SLC2A9: variants seen among roughly 807,000 people sequenced by gnomAD.
SLC2A9 encodes solute carrier family 2 member 9.
Under a neutral mutation model 50.6 loss-of-function variants are expected in SLC2A9, and 39 were observed. The ratio of observed to expected loss-of-function variants is 0.77; its 90% confidence interval spans 0.60 to 1.01. The LOEUF (loss-of-function observed/expected upper bound fraction) is 1.01. Among genes scored for constraint, SLC2A9 ranks in the 50% least tolerant of loss-of-function variants. SLC2A9 has a pLI of 0.00. For missense variants in SLC2A9, 686 were observed against 677.6 expected, an observed-to-expected ratio of 1.01 and a Z score of -0.14; for synonymous variants, 324 against 276.9, an observed-to-expected ratio of 1.17 and a Z score of -1.69.
intron 3 of SLC2A9, among the ~76,000 whole-genome samples, chr4:9,994,905 G>C (rs1758367290): frequency 6.6e-6 from 1 of 152,122 alleles, no homozygotes; most frequent in African/African-American, 2.4e-5. Flanking sequence ...GAGGACCATG[G>C]GCAGGGTCTG....
At chr4:10,020,729 G>T (rs974109268) in intron 1 of SLC2A9, among the ~76,000 whole-genome samples, 1 of 152,150 alleles carries the variant, frequency 6.6e-6, no homozygotes, top group Non-Finnish European at 1.5e-5. Context: ...TCCCAGCCCC[G>T]ATGACCTTAG....
At chr4:9,816,382 A>T (rs1289228306) in intron 3 of SLC2A9, among the ~76,000 whole-genome samples, 2 of 152,038 alleles carry the variant, frequency 1.3e-5, no homozygotes, top group Non-Finnish European at 2.9e-5. Context: ...GAGATGAGGG[A>T]AGGGGAGAAA....
intron 10 of SLC2A9, among the ~76,000 whole-genome samples, chr4:9,835,334 T>C (rs1455056403): frequency 6.6e-6 from 1 of 152,144 alleles, no homozygotes; most frequent in African/African-American, 2.4e-5. Flanking sequence ...CTTTCCTCCA[T>C]ATCCTGTACA....
rs373430971 is a variant in SLC2A9 at position 10,002,803 on chromosome 4, A to G, written c.250-5862T>C. 1.2e-4 allele frequency among the ~76,000 whole-genome samples: 19 copies of G among 152,324 alleles called. No individual in the cohort carries two copies. In the East Asian group the frequency reaches 3.3e-3, roughly 26 times the overall value. ...TGGAGGCAGAGGTTGCAGGGAGCCA[A>G]GATTGCGCCACTGCACTCCAGCCTG... On this transcript the variant is annotated intron_variant, in intron 2 of 11. Coordinates refer to ENST00000264784, the MANE Select transcript of SLC2A9 (RefSeq NM_020041.3).
downstream of SLC2A9, among the ~76,000 whole-genome samples, chr4:9,796,695 C>T (rs1304549877): frequency 1.3e-5 from 2 of 152,190 alleles, no homozygotes; most frequent in Non-Finnish European, 2.9e-5. Context: ...CAGGGCTCTT[C>T]TGGGCTTGGC....
intron 3 of SLC2A9, among the ~76,000 whole-genome samples, chr4:9,818,038 C>T (rs145945471): frequency 6.6e-6 from 1 of 152,148 alleles, no homozygotes; most frequent in East Asian, 1.9e-4. Context: ...AACTGTAAGA[C>T]AAATTGGGGT....
At chr4:9,816,550 A>G (rs1019616432) in intron 3 of SLC2A9, among the ~76,000 whole-genome samples, 2 of 152,222 alleles carry the variant, frequency 1.3e-5, no homozygotes, top group African/African-American at 4.8e-5. Context: ...ACATAAAAAG[A>G]AAGGAAAATG....
In SLC2A9 at chr4:9,900,107, C is replaced by T. The variant is rs116115337; in HGVS notation, c.1113+8128G>A. Among the ~76,000 whole-genome samples, 735 of 152,272 alleles carry T rather than the reference C, an allele frequency of 4.8e-3. 3 individuals are homozygous for T. The highest frequency in any genetic ancestry group is 0.017 in the Middle Eastern group (5 of 294). ...GAGCAGAGAAAGAGACACTGGATGT[C>T]CAGATGACTTAGGAGTCAGGGCTTC... On this transcript the variant is annotated intron_variant, in intron 8 of 11. Coordinates refer to ENST00000264784, the MANE Select transcript of SLC2A9 (RefSeq NM_020041.3).
chr4:9,778,969 T>A (rs377085817), downstream of SLC2A9, among the ~76,000 whole-genome samples: 60 of 152,228 alleles, frequency 3.9e-4, no homozygotes, highest in South Asian at 0.012. Context: ...GGTTTCACCA[T>A]GTTGGTCAGG....
chr4:9,920,652 G>T, intron 6 of SLC2A9, 80 bp from the exon 7 acceptor site: 1 of 1,552,168 alleles, frequency 6.4e-7, no homozygotes, highest in Non-Finnish European at 8.9e-7. Flanking sequence ...GCAGGGACGG[G>T]TCCCACCTCC....
chr4:9,935,644 A>G (rs905571108), intron 6 of SLC2A9, among the ~76,000 whole-genome samples: 2 of 152,188 alleles, frequency 1.3e-5, no homozygotes, highest in African/African-American at 4.8e-5. Context: ...TGCACCTGCT[A>G]TGTGGAAGAA....
At chr4:9,788,050 A>C (rs1014750748) in intron 3 of SLC2A9, among the ~76,000 whole-genome samples, 4 of 152,184 alleles carry the variant, frequency 2.6e-5, no homozygotes, top group Non-Finnish European at 5.9e-5. Flanking sequence ...TCCCTGAATC[A>C]GTTATTACTG....
chr4:9,896,905 C>A (rs1738658525), intron 8 of SLC2A9, among the ~76,000 whole-genome samples: 1 of 152,330 alleles, frequency 6.6e-6, no homozygotes, highest in African/African-American at 2.4e-5. Context: ...TGTGGGGCTG[C>A]CCTTATGCCA....
rs147545059 is a variant in SLC2A9 at position 9,908,168 on chromosome 4, A to G, written c.1113+67T>C. 3.4e-4 allele frequency: 372 copies of G among 1,082,350 alleles called. No homozygotes were observed. The African/African-American group carries it at 5.0e-3, about 15-fold the overall frequency. The allele number at this position is 1,082,350 out of a possible 1,614,324, so 67.0% of individuals were successfully genotyped here. ...GAAAGCCTGTGCCTTAAAGGACCTT[A>G]TGAACATTCCCACTGTGCTGTGTAA... is the stretch of plus-strand genomic sequence containing the variant. On this transcript the variant is annotated intron_variant, in intron 8 of 11. Transcript: ENST00000264784.
At chr4:9,777,119 T>G (rs1162496083), downstream of SLC2A9, among the ~76,000 whole-genome samples, 1 of 152,190 alleles carries the variant, frequency 6.6e-6, no homozygotes, top group Non-Finnish European at 1.5e-5. Context: ...TTGAAATTGT[T>G]TATTTCTCTC....
chr4:9,879,471 A>C, intron 10 of SLC2A9: 1 of 985,288 alleles, frequency 1.0e-6, no homozygotes, highest in Non-Finnish European at 1.2e-6. Flanking sequence ...AATGCGGGAT[A>C]GAGAGGGAGG....
intron 3 of SLC2A9, among the ~76,000 whole-genome samples, chr4:9,992,979 C>T (rs771872848): frequency 5.3e-5 from 8 of 152,206 alleles, no homozygotes; most frequent in Non-Finnish European, 1.2e-4. Flanking sequence ...CCATGCACAG[C>T]ACTGCTCAGA....
At chr4:9,960,005 C>A (rs1375763699) in intron 5 of SLC2A9, among the ~76,000 whole-genome samples, 1 of 152,184 alleles carries the variant, frequency 6.6e-6, no homozygotes, top group Non-Finnish European at 1.5e-5. Context: ...GGGCAGGAAC[C>A]AGGGCTAACT....
intron 3 of SLC2A9, among the ~76,000 whole-genome samples, chr4:9,800,810 C>T (rs1458093834): frequency 1.3e-5 from 2 of 152,160 alleles, no homozygotes; most frequent in African/African-American, 4.8e-5. Context: ...GGGTGATATG[C>T]AAATACTATG....
Sources: allele counts gnomAD v4.1 joint callset (sites outside exome capture counted in the v4.1 genomes callset), GRCh38; gene constraint gnomAD v4.1.1; transcripts MANE v1.5; gene names NCBI Gene and HGNC (gene_info 2026-07-23, HGNC 2026-07-21).